EVX1: variants seen among roughly 807,000 people sequenced by gnomAD.
EVX1 encodes homeobox even-skipped homolog protein 1.
Under a neutral mutation model 28.6 loss-of-function variants are expected in EVX1, and 19 were observed. The ratio of observed to expected loss-of-function variants is 0.67; its 90% CI spans 0.46 to 0.98. The LOEUF (loss-of-function observed/expected upper bound fraction) is 0.98, where lower values mean the gene tolerates loss of function less well. Ranked by LOEUF, EVX1 falls within the 50% of genes least tolerant of loss-of-function variation. The pLI is 0.00. For missense variants in EVX1, 660 were observed against 583.0 expected (o/e 1.13, Z -1.36); for synonymous variants, 324 against 278.2 (o/e 1.16, Z -1.64).
In EVX1 at chr7:27,246,068, C is replaced by A; in HGVS notation, c.867C>A (p.Ala289=). ...LPYYSPVGLG[A]ASAASAAASP... ...ACTACTCGCCGGTGGGCCTGGGCGC[C>A]GCATCCGCCGCCTCCGCCGCCGCCT... The change falls in exon 3 of 3, where the codon GCC becomes GCA. Residue 289 remains alanine (A), a synonymous_variant. Coordinates refer to ENST00000496902, the MANE Select transcript of EVX1 (RefSeq NM_001989.5). 2.5e-6 allele frequency: 4 copies of A among 1,580,424 alleles called. No homozygotes were observed. Among genetic ancestry groups the A allele is most frequent in the Non-Finnish European group, 3.4e-6 (4 of 1,172,412 alleles).
Position 27,246,180 on chromosome 7 carries a change from C to T in EVX1, c.979C>T (p.Arg327Cys), listed in dbSNP as rs1011658779. 3 of 1,486,202 alleles carry T rather than the reference C, an allele frequency of 2.0e-6. No individual in the cohort carries two copies. The highest frequency in any genetic ancestry group is 2.6e-5 in the South Asian group (2 of 77,760). 92.1% of individuals were successfully genotyped at this position (1,486,202 alleles called of 1,614,324 possible). Residue 327 changes from arginine (R) to cysteine (C), a missense_variant, in exon 3 of 3, where the codon CGC becomes TGC. This residue lies in a region of EVX1 where 299 missense variants were observed against 241.3 expected (regional missense o/e 1.24). Coordinates refer to ENST00000496902, the MANE Select transcript of EVX1 (RefSeq NM_001989.5). The part of the protein sequence containing the change: ...YPRPELLCAF[R>C]HPPLYPGPAH... ...GCGGCCCGAACTGCTGTGCGCCTTC[C>T]GCCACCCGCCGCTCTACCCCGGGCC... is the stretch of plus-strand genomic sequence containing the variant.
Position 27,243,194 on chromosome 7 carries a change from C to A in EVX1, c.164C>A (p.Pro55Gln), listed in dbSNP as rs755241999. ...TGCCTGAGCCCTCGGGCCGTCCCTC[C>A]GGCCACCCGGGAGCGCGGCGGGGGA... ...RGCLSPRAVP[P>Q]ATRERGGGGP... The change falls in exon 1 of 3, where the codon CCG becomes CAG. Residue 55 changes from proline (P) to glutamine (Q), a missense_variant. By Grantham distance (76) the Pro-to-Gln change is moderately conservative. Transcript: ENST00000496902. 3.8e-6 allele frequency: 6 copies of A among 1,563,012 alleles called. No individual in the cohort carries two copies. The South Asian group carries it at 4.7e-5, about 12-fold the overall frequency.
rs1783073260 is a variant in EVX1 at position 27,243,227 on chromosome 7, A to G, written c.197A>G (p.Glu66Gly). The change falls in exon 1 of 3, where the codon GAG (glutamate) becomes GGG (glycine). Residue 66 changes from glutamate (E) to glycine (G), a missense_variant. Around this residue, in one of 3 missense-constraint regions of EVX1, gnomAD observed 308 missense variants for 256.6 expected, o/e 1.20. Transcript: ENST00000496902. ...CGGGAGCGCGGCGGGGGAGGCCCGG[A>G]GGAGGAGCCGGTAGATGGACTCGCA... ...ATRERGGGGP[E>G]EEPVDGLAGS... 1 of 1,549,720 alleles carries G rather than the reference A, an allele frequency of 6.5e-7. No homozygotes were observed. Among genetic ancestry groups the G allele is most frequent in the Non-Finnish European group, 8.7e-7 (1 of 1,147,252 alleles).
intron 1 of EVX1, chr7:27,244,519 G>A: frequency 2.0e-6 from 2 of 989,284 alleles, no homozygotes; most frequent in Non-Finnish European, 2.4e-6. Context: ...ATATACTAAG[G>A]TAATAAATAA....
rs190949069 is a variant in EVX1 at position 27,242,979 on chromosome 7, G to C, written c.-52G>C. The C allele has an allele frequency of 2.1e-6, 3 of 1,436,928 alleles. No homozygotes were observed. The highest frequency in any genetic ancestry group is 5.3e-5 in the East Asian group (2 of 37,662). 89.0% of individuals were successfully genotyped at this position (1,436,928 alleles called of 1,614,324 possible). On this transcript the variant is annotated 5_prime_UTR_variant, in exon 1 of 3. Coordinates refer to ENST00000496902, the MANE Select transcript of EVX1 (RefSeq NM_001989.5). ...CCGGCCGCTGGAGACCCAGGGAGCC[G>C]GGGTTAGGAACTCACTTGGGGCTTT... is the stretch of plus-strand genomic sequence containing the variant.
At position 27,242,988 on chromosome 7, in the gene EVX1, A is replaced by G; in HGVS notation, c.-43A>G. ...GGAGACCCAGGGAGCCGGGGTTAGG[A>G]ACTCACTTGGGGCTTTCCCCTCCCC... On this transcript the variant is annotated 5_prime_UTR_variant, in exon 1 of 3. Coordinates refer to ENST00000496902, the MANE Select transcript of EVX1 (RefSeq NM_001989.5). The G allele has an allele frequency of 2.0e-6, 3 of 1,469,756 alleles. No individual in the cohort carries two copies. Among genetic ancestry groups the G allele is most frequent in the Non-Finnish European group, 2.7e-6 (3 of 1,109,010 alleles). 91.0% of individuals were successfully genotyped at this position (1,469,756 alleles called of 1,614,324 possible).
Position 27,246,220 on chromosome 7 carries a change from G to A in EVX1, c.1019G>A (p.Gly340Asp), listed in dbSNP as rs1331220456. Residue 340 changes from glycine (G) to aspartate (D), a missense_variant, in exon 3 of 3, where the codon GGC becomes GAC. Around this residue, in one of 3 missense-constraint regions of EVX1, gnomAD observed 299 missense variants for 241.3 expected, o/e 1.24. Transcript: ENST00000496902. ...TACCCCGGGCCCGCGCACGGACTGG[G>A]CGCCTCTGCCGGCGGCCCCTGCTCC... is the stretch of plus-strand genomic sequence containing the variant. ...PLYPGPAHGLGASAGGPCSCL... is the reference protein window; with the variant it reads ...PLYPGPAHGLDASAGGPCSCL... The A allele has an allele frequency of 1.8e-5, 28 of 1,514,238 alleles. No homozygotes were observed. The highest frequency in any genetic ancestry group is 2.4e-5 in the Non-Finnish European group (27 of 1,140,046). 93.8% of individuals were successfully genotyped at this position (1,514,238 alleles called of 1,614,324 possible).
Position 27,246,094 on chromosome 7 carries a change from C to G in EVX1, c.893C>G (p.Ser298Trp). 1 of 1,560,802 alleles carries G rather than the reference C, an allele frequency of 6.4e-7. No homozygotes were observed. Among genetic ancestry groups the G allele is most frequent in the Non-Finnish European group, 8.6e-7 (1 of 1,162,662 alleles). ...GCATCCGCCGCCTCCGCCGCCGCCT[C>G]GCCCTTCAGCGGCTCGCTGCGCCCG... ...GAASAASAAA[S>W]PFSGSLRPLD... Residue 298 changes from serine to tryptophan, a missense_variant, in exon 3 of 3, where the codon TCG (serine) becomes TGG (tryptophan). Ser to Trp is a radical substitution (Grantham distance 177). Around this residue, in one of 3 missense-constraint regions of EVX1, gnomAD observed 299 missense variants for 241.3 expected, o/e 1.24. Transcript: ENST00000496902.
In EVX1 at chr7:27,242,889, T is replaced by C; in HGVS notation, c.-142T>C. ...GCCGCGGTCGCGGTCCAGACCGCGC[T>C]CCAGCAGCTCCGCGCCCTCCCAGGC... On this transcript the variant is annotated 5_prime_UTR_variant, in exon 1 of 3. Coordinates refer to ENST00000496902, the MANE Select transcript of EVX1 (RefSeq NM_001989.5). The C allele has an allele frequency of 1.0e-6, 1 of 960,780 alleles. No individual in the cohort carries two copies. Among genetic ancestry groups the C allele is most frequent in the South Asian group, 1.8e-5 (1 of 54,062 alleles). The allele number at this position is 960,780 out of a possible 1,614,324, so 59.5% of individuals were successfully genotyped here. A position where few individuals can be genotyped will look rare whatever the true frequency, so the allele number is the denominator to read the frequency against.
At position 27,245,097 on chromosome 7, in the gene EVX1, C is replaced by T. The variant is rs759035279; in HGVS notation, c.477C>T (p.Thr159=). The T allele has an allele frequency of 1.2e-6, 2 of 1,613,166 alleles. No individual in the cohort carries two copies. The highest frequency in any genetic ancestry group is 2.2e-5 in the East Asian group (1 of 44,878). The change falls in exon 2 of 3, where the codon ACC becomes ACT. Residue 159 remains threonine (T), a synonymous_variant. Transcript: ENST00000496902. ...GCAGTCCGAACGGAGGGAGCGAGAC[C>T]CCCAAGAGCAACGGCGGCAGTGGTG... is the stretch of plus-strand genomic sequence containing the variant. ...LVGSPNGGSE[T]PKSNGGSGGG...
At position 27,246,249 on chromosome 7, in the gene EVX1, C is replaced by T. The variant is rs1783183879; in HGVS notation, c.1048C>T (p.Leu350Phe). 6.5e-7 allele frequency: 1 copy of T among 1,546,758 alleles called. No individual in the cohort carries two copies. The change falls in exon 3 of 3, where the codon CTC (leucine) becomes TTC (phenylalanine). Residue 350 changes from leucine to phenylalanine, a missense_variant. By Grantham distance (22) the Leu-to-Phe change is conservative (BLOSUM62 0). Around this residue, in one of 3 missense-constraint regions of EVX1, gnomAD observed 299 missense variants for 241.3 expected, o/e 1.24. Coordinates refer to ENST00000496902, the MANE Select transcript of EVX1 (RefSeq NM_001989.5). ...GASAGGPCSCLACHSGPANGL... is the reference protein window; with the variant it reads ...GASAGGPCSCFACHSGPANGL... ...CTCTGCCGGCGGCCCCTGCTCCTGC[C>T]TCGCCTGTCACAGCGGCCCGGCCAA...
At chr7:27,244,453 C>G in intron 1 of EVX1, 1 of 986,848 alleles carries the variant, frequency 1.0e-6, no homozygotes, top group African/African-American at 1.7e-5. Context: ...TATCTTATCA[C>G]CGATTTCACC....
At chr7:27,244,962 C>T in intron 1 of EVX1, 86 bp from the exon 2 acceptor site, 1 of 1,526,966 alleles carries the variant, frequency 6.5e-7, no homozygotes, top group Non-Finnish European at 8.8e-7. Context: ...CCCAAATCAC[C>T]CTCCCACCTT....
At position 27,245,076 on chromosome 7, in the gene EVX1, T is replaced by A; in HGVS notation, c.456T>A (p.Ser152Arg). 3.7e-6 allele frequency: 6 copies of A among 1,612,144 alleles called. No homozygotes were observed. The highest frequency in any genetic ancestry group is 5.1e-6 in the Non-Finnish European group (6 of 1,179,808). The change falls in exon 2 of 3, where the codon AGT (serine) becomes AGA (arginine). Residue 152 changes from serine to arginine, a missense_variant. Around this residue, in one of 3 missense-constraint regions of EVX1, gnomAD observed 308 missense variants for 256.6 expected, o/e 1.20. Coordinates refer to ENST00000496902, the MANE Select transcript of EVX1 (RefSeq NM_001989.5). The stretch of plus-strand genomic sequence containing the variant: ...CCGGCTCCGAGGCGCTGGTCGGCAG[T>A]CCGAACGGAGGGAGCGAGACCCCCA... ...KGSGSEALVG[S>R]PNGGSETPKS...
intron 2 of EVX1, 43 bp downstream of exon 2, chr7:27,245,347 A>G: frequency 6.2e-7 from 1 of 1,602,574 alleles, no homozygotes; most frequent in Non-Finnish European, 8.5e-7. Flanking sequence ...GCACCTATTT[A>G]GCGGGAAGTA....
In EVX1 at chr7:27,245,204, T is replaced by C; in HGVS notation, c.584T>C (p.Ile195Thr). Residue 195 changes from isoleucine (I) to threonine (T), a missense_variant, in exon 2 of 3, where the codon ATT (isoleucine) becomes ACT (threonine). Around this residue, in one of 3 missense-constraint regions of EVX1, gnomAD observed 53 missense variants for 85.1 expected, o/e 0.62. Transcript: ENST00000496902. ...CGCACCGCCTTCACCCGAGAGCAGATTGCGCGGCTGGAGAAGGAATTCTAC... is the reference window on the plus strand; with the variant it reads ...CGCACCGCCTTCACCCGAGAGCAGACTGCGCGGCTGGAGAAGGAATTCTAC... ...RYRTAFTREQ[I>T]ARLEKEFYRE... 1 of 1,613,572 alleles carries C rather than the reference T, an allele frequency of 6.2e-7. No individual in the cohort carries two copies. The highest frequency in any genetic ancestry group is 8.5e-7 in the Non-Finnish European group (1 of 1,180,020).
In EVX1 at chr7:27,247,092, C is replaced by G. The variant is rs1001682756; in HGVS notation, c.*667C>G. On this transcript the variant is annotated 3_prime_UTR_variant, in exon 3 of 3. Transcript: ENST00000496902. ...TCTGCCAGCACCTGATCTCTTTCCT[C>G]ATTCCCAGCTTTGTGACACTTCTCA... 6.6e-6 allele frequency: 1 copy of G among 152,340 alleles called. No individual in the cohort carries two copies. The highest frequency in any genetic ancestry group is 2.4e-5 in the African/African-American group (1 of 41,456). The allele number at this position is 152,340 out of a possible 1,614,324, so 9.4% of individuals were successfully genotyped here. A position where few individuals can be genotyped will look rare whatever the true frequency, so the allele number is the denominator to read the frequency against.
chr7:27,242,900 C>A lies in EVX1; in HGVS notation c.-131C>A, dbSNP rs554748442. ...GGTCCAGACCGCGCTCCAGCAGCTC[C>A]GCGCCCTCCCAGGCACCCGGCCTTT... On this transcript the variant is annotated 5_prime_UTR_variant, in exon 1 of 3. Transcript: ENST00000496902. The A allele has an allele frequency of 1.9e-6, 2 of 1,073,056 alleles. No homozygotes were observed. The highest frequency in any genetic ancestry group is 3.5e-5 in the South Asian group (2 of 57,538). The allele number at this position is 1,073,056 out of a possible 1,614,324, so 66.5% of individuals were successfully genotyped here.
At position 27,246,181 on chromosome 7, in the gene EVX1, G is replaced by A; in HGVS notation, c.980G>A (p.Arg327His). 4 of 1,484,948 alleles carry A rather than the reference G, an allele frequency of 2.7e-6. No individual in the cohort carries two copies. Among genetic ancestry groups the A allele is most frequent in the Non-Finnish European group, 3.5e-6 (4 of 1,127,336 alleles). The allele number at this position is 1,484,948 out of a possible 1,614,324, so 92.0% of individuals were successfully genotyped here. A position where few individuals can be genotyped will look rare whatever the true frequency, so the allele number is the denominator to read the frequency against. Residue 327 changes from arginine (R) to histidine (H), a missense_variant, in exon 3 of 3, where the codon CGC becomes CAC. Physicochemically the swap from Arg to His is conservative, Grantham distance 29. Coordinates refer to ENST00000496902, the MANE Select transcript of EVX1 (RefSeq NM_001989.5). ...CGGCCCGAACTGCTGTGCGCCTTCC[G>A]CCACCCGCCGCTCTACCCCGGGCCC... ...YPRPELLCAFRHPPLYPGPAH... is the reference protein window; with the variant it reads ...YPRPELLCAFHHPPLYPGPAH...
Sources: gnomAD v4.1 joint callset for allele counts on GRCh38, gnomAD v4.1.1 for gene constraint, gnomAD v4.1.1 regional missense constraint, MANE v1.5 for transcripts, NCBI Gene and HGNC (gene_info 2026-07-23, HGNC 2026-07-21) for gene names.